The following TANGO2 variants were observed in gnomAD, a reference collection of about 807,000 sequenced individuals.
The protein encoded by TANGO2 is transport and Golgi organization protein 2 homolog.
Under a neutral mutation model 39.1 loss-of-function variants are expected in TANGO2, and 26 were observed. That is an observed-to-expected ratio of 0.67 (90% CI 0.49 to 0.92). The LOEUF (loss-of-function observed/expected upper bound fraction) is 0.92, where lower values mean the gene tolerates loss of function less well. Ranked by LOEUF, TANGO2 falls within the 40% of genes least tolerant of loss-of-function variation. The pLI, the probability that TANGO2 is intolerant of heterozygous loss-of-function variation, is 0.00. For synonymous variants in TANGO2, 131 were observed against 144.5 expected, an observed-to-expected ratio of 0.91 and a Z score of 0.67; for missense variants, 326 against 360.1, an observed-to-expected ratio of 0.91 and a Z score of 0.77.
rs762273678 is a variant in TANGO2 at position 20,043,339 on chromosome 22, T to G, written c.57-16T>G. 1 of 1,597,562 alleles carries G rather than the reference T, an allele frequency of 6.3e-7. No homozygotes were observed. Among genetic ancestry groups the G allele is most frequent in the Non-Finnish European group, 8.6e-7 (1 of 1,165,940 alleles). On this transcript the variant is annotated splice_polypyrimidine_tract_variant and intron_variant, in intron 2 of 8. Coordinates refer to ENST00000327374, the MANE Select transcript of TANGO2 (RefSeq NM_152906.7). ...CGTTTCCATCTGAAGCCATCAGTGATGCTTTCCTCTTGCAGGCTCATCTTG... is the reference window on the plus strand; with the variant it reads ...CGTTTCCATCTGAAGCCATCAGTGAGGCTTTCCTCTTGCAGGCTCATCTTG...
intron 3 of TANGO2, 107 bp from the exon 4 acceptor site, chr22:20,052,358 G>T: frequency 6.7e-7 from 1 of 1,481,568 alleles, no homozygotes; most frequent in Non-Finnish European, 9.1e-7. Flanking sequence ...CGTCCTCGAG[G>T]AGCTTGAGGC....
intron 3 of TANGO2, among the ~76,000 whole-genome samples, chr22:20,049,524 G>A (rs533363323): frequency 6.6e-6 from 1 of 152,230 alleles, no homozygotes; most frequent in South Asian, 2.1e-4. Context: ...GCTGGGTGTG[G>A]TGGTCCATGC....
rs891414614 is a variant in TANGO2 at position 20,043,299 on chromosome 22, A to G, written c.57-56A>G. 3.0e-6 allele frequency: 4 copies of G among 1,348,926 alleles called. No individual in the cohort carries two copies. The African/African-American group carries it at 4.3e-5, about 15-fold the overall frequency. 83.6% of individuals were successfully genotyped at this position (1,348,926 alleles called of 1,614,324 possible). On this transcript the variant is annotated intron_variant, in intron 2 of 8. Transcript: ENST00000327374. ...CCAGTTTTGTGTGTGAAAAGAGAAAAAGACTTGGCTCGCTCGTTTCCATCT... is the reference window on the plus strand; with the variant it reads ...CCAGTTTTGTGTGTGAAAAGAGAAAGAGACTTGGCTCGCTCGTTTCCATCT...
intron 4 of TANGO2, among the ~76,000 whole-genome samples, chr22:20,053,173 GTGT>G (rs1342877915): frequency 1.3e-5 from 2 of 152,070 alleles, no homozygotes; most frequent in Non-Finnish European, 2.9e-5. Context: ...CCACTGAAAG[GTGT>G]TGTTTACTTC....
At chr22:20,062,364 A>G (rs1323399104) in intron 7 of TANGO2, among the ~76,000 whole-genome samples, 1 of 151,860 alleles carries the variant, frequency 6.6e-6, no homozygotes, top group Admixed American at 6.6e-5. Flanking sequence ...TGCCCAGGTG[A>G]TCCAGCGTCC....
chr22:20,019,040 C>T (rs1945401531), upstream of TANGO2: 1 of 152,276 alleles, frequency 6.6e-6, no homozygotes, highest in Non-Finnish European at 1.5e-5. Context: ...GCTGAAATTG[C>T]ACCACCGCAC....
At chr22:20,061,917 G>A (rs2048462560) in intron 7 of TANGO2, 1 of 548,176 alleles carries the variant, frequency 1.8e-6, no homozygotes, top group Non-Finnish European at 3.1e-6. Context: ...CCAGGCCCAG[G>A]GGAGGCTCAG....
chr22:20,042,983 C>A (rs2044261445), intron 2 of TANGO2, among the ~76,000 whole-genome samples: 1 of 152,034 alleles, frequency 6.6e-6, no homozygotes, highest in Non-Finnish European at 1.5e-5. Flanking sequence ...TGGGTGTTCC[C>A]AGGGCTGGGG....
intron 3 of TANGO2, among the ~76,000 whole-genome samples, chr22:20,044,745 G>T (rs551255699): frequency 6.6e-6 from 1 of 152,292 alleles, no homozygotes; most frequent in East Asian, 1.9e-4. Flanking sequence ...GGTCAGGACG[G>T]GTGGGTGAAG....
intron 6 of TANGO2, chr22:20,056,297 C>A (rs1239600967): frequency 3.1e-6 from 2 of 638,900 alleles, no homozygotes; most frequent in Non-Finnish European, 5.8e-6. Flanking sequence ...CACCCCCAGC[C>A]TCACTTCCTG....
chr22:20,055,870 G>A, intron 5 of TANGO2, 73 bp from the exon 6 acceptor site: 1 of 1,344,200 alleles, frequency 7.4e-7, no homozygotes. Flanking sequence ...AAACAGGGCT[G>A]TGAGATCACC....
chr22:20,017,283 A>T (rs538131357), upstream of TANGO2: 17 of 152,402 alleles, frequency 1.1e-4, no homozygotes, highest in Non-Finnish European at 1.8e-4. Flanking sequence ...AAGCCGCGAG[A>T]GAGAGTTCTG....
chr22:20,032,633 G>A (rs2042083830), intron 1 of TANGO2, among the ~76,000 whole-genome samples: 1 of 152,266 alleles, frequency 6.6e-6, no homozygotes, highest in Non-Finnish European at 1.5e-5. Flanking sequence ...TGAGCCCAGG[G>A]CAGGGGTGGG....
At chr22:20,047,039 G>T (rs986323488) in intron 3 of TANGO2, among the ~76,000 whole-genome samples, 1 of 152,150 alleles carries the variant, frequency 6.6e-6, no homozygotes, top group Admixed American at 6.5e-5. Context: ...GATCACACAC[G>T]GAGGGAGGAA....
intron 1 of TANGO2, among the ~76,000 whole-genome samples, chr22:20,024,591 A>G (rs2040372289): frequency 1.3e-5 from 2 of 152,174 alleles, no homozygotes; most frequent in African/African-American, 2.4e-5. Context: ...AGGCCATTAA[A>G]TGGGGGCAGC....
In TANGO2 at chr22:20,061,621, C is replaced by A; in HGVS notation, c.543C>A (p.Ser181Arg). ...TCTTCCTGGAGGCTGTGGAACGGAG[C>A]CAGGCGCTGCCCAAGGATGTGCTCA... is the stretch of plus-strand genomic sequence containing the variant. ...KQLFLEAVER[S>R]QALPKDVLIA... Residue 181 changes from serine to arginine, a missense_variant, in exon 7 of 9, where the codon AGC becomes AGA. Physicochemically the swap from Ser to Arg is moderately radical, Grantham distance 110 (BLOSUM62 -1). Coordinates refer to ENST00000327374, the MANE Select transcript of TANGO2 (RefSeq NM_152906.7). The A allele has an allele frequency of 6.4e-7, 1 of 1,574,108 alleles. No homozygotes were observed. The highest frequency in any genetic ancestry group is 1.2e-5 in the South Asian group (1 of 85,970).
chr22:20,053,320 G>C, intron 4 of TANGO2, 117 bp from the exon 5 acceptor site: 1 of 679,032 alleles, frequency 1.5e-6, no homozygotes, highest in Non-Finnish European at 2.7e-6. Flanking sequence ...GACAGGCCAG[G>C]GCTCCAGTGG....
chr22:20,040,237 G>A (rs2147163457), intron 2 of TANGO2, among the ~76,000 whole-genome samples: 1 of 152,322 alleles, frequency 6.6e-6, no homozygotes, highest in South Asian at 2.1e-4. Flanking sequence ...GGCAATTAAT[G>A]TTCCTGAGTT....
At chr22:20,064,065 G>A (rs1216407099) in intron 8 of TANGO2, among the ~76,000 whole-genome samples, 1 of 152,194 alleles carries the variant, frequency 6.6e-6, no homozygotes, top group Non-Finnish European at 1.5e-5. Context: ...TGTGCTGAAT[G>A]TTTGCTTCAG....
Sources: gnomAD v4.1 joint callset for allele counts (sites outside exome capture counted in the v4.1 genomes callset) on GRCh38, gnomAD v4.1.1 for gene constraint, MANE v1.5 for transcripts, NCBI Gene and HGNC (gene_info 2026-07-23, HGNC 2026-07-21) for gene names.